AGAP1: variants seen among roughly 807,000 people sequenced by gnomAD.
AGAP1 encodes arf-GAP with GTPase, ANK repeat and PH domain-containing protein 1.
In AGAP1, 29 loss-of-function variants were observed where a neutral mutation model predicts 105.3. The ratio of observed to expected loss-of-function variants is 0.28; its 90% CI spans 0.21 to 0.38. The LOEUF (loss-of-function observed/expected upper bound fraction) is 0.38. Ranked by LOEUF, AGAP1 falls within the 10% of genes least tolerant of loss-of-function variation. AGAP1 has a pLI of 1.00. For synonymous variants in AGAP1, 509 were observed against 485.9 expected, an observed-to-expected ratio of 1.05 and a Z score of -0.63; for missense variants, 998 against 1,165.1, an observed-to-expected ratio of 0.86 and a Z score of 2.09.
intron 1 of AGAP1, among the ~76,000 whole-genome samples, chr2:235,516,360 T>A (rs1052333819): frequency 4.6e-5 from 7 of 152,154 alleles, no homozygotes; most frequent in Admixed American, 3.3e-4. Context: ...TTATTTTTTT[T>A]AAATCTCTTG....
intron 10 of AGAP1, among the ~76,000 whole-genome samples, chr2:235,902,876 A>G (rs2051133153): frequency 6.6e-6 from 1 of 152,244 alleles, no homozygotes; most frequent in South Asian, 2.1e-4. Flanking sequence ...AATGTTTAAA[A>G]ATCGGTAGCA....
chr2:235,874,105 T>C lies in AGAP1; in HGVS notation c.1051-9240T>C, dbSNP rs1453591503. Among the ~76,000 whole-genome samples the C allele has an allele frequency of 6.6e-6, 1 of 152,168 alleles. No homozygotes were observed. Among genetic ancestry groups the C allele is most frequent in the Non-Finnish European group, 1.5e-5 (1 of 68,034 alleles). ...ACAGGGTCTTGCTCTGTCGCCAGGC[T>C]GGAGTGCAGTGGCGTGATCTCAGCT... On this transcript the variant is annotated intron_variant, in intron 9 of 17. Transcript: ENST00000304032. The surrounding 1 kb of genome is among the most constrained non-coding windows in gnomAD (Gnocchi z 4.5).
rs527817430 is a variant in AGAP1, at chr2:235,840,852, A to T, written c.1050+33521A>T. Among the ~76,000 whole-genome samples the T allele has an allele frequency of 2.0e-5, 3 of 151,724 alleles. No individual in the cohort carries two copies. The South Asian group carries it at 6.3e-4, about 32-fold the overall frequency. Reference sequence around the variant, plus strand: ...TACAGAAATAGCCATTGAAGACATGAGAGAGTGTGAGATCCAGGAATTTGG... The same window carrying T: ...TACAGAAATAGCCATTGAAGACATGTGAGAGTGTGAGATCCAGGAATTTGG... On this transcript the variant is annotated intron_variant, in intron 9 of 17. Transcript: ENST00000304032.
intron 9 of AGAP1, among the ~76,000 whole-genome samples, chr2:235,812,512 G>A (rs1435583077): frequency 6.6e-6 from 1 of 152,246 alleles, no homozygotes; most frequent in African/African-American, 2.4e-5. Context: ...GGGGTGTATT[G>A]TGTGGCATGG....
chr2:235,626,175 C>A (rs951446255), intron 1 of AGAP1, among the ~76,000 whole-genome samples: 9 of 151,636 alleles, frequency 5.9e-5, no homozygotes, highest in Middle Eastern at 3.4e-3. Context: ...TGACGAAACC[C>A]CATCTCTACT....
intron 12 of AGAP1, among the ~76,000 whole-genome samples, chr2:235,946,201 G>A (rs1250327391): frequency 6.6e-6 from 1 of 151,968 alleles, no homozygotes; most frequent in African/African-American, 2.4e-5. Flanking sequence ...TTAATTTTGG[G>A]GGTGTATACC....
chr2:235,504,794 A>T (rs1355934107), intron 1 of AGAP1, among the ~76,000 whole-genome samples: 1 of 151,984 alleles, frequency 6.6e-6, no homozygotes, highest in Non-Finnish European at 1.5e-5. Flanking sequence ...TCATTCTTTC[A>T]GTTGTTTGTT....
At position 235,578,225 on chromosome 2, in the gene AGAP1, C is replaced by T. The variant is rs1455772313; in HGVS notation, c.163+83376C>T. On this transcript the variant is annotated intron_variant, in intron 1 of 17. Transcript: ENST00000304032. The surrounding 1 kb of genome is among the most constrained non-coding windows in gnomAD (Gnocchi z 4.9). ...ATGAAACTGCCACTGTCAGAGCCAG[C>T]CTGAGCTCCACGGTGCCCGTCTCCT... 2.0e-5 allele frequency among the ~76,000 whole-genome samples: 3 copies of T among 152,158 alleles called. No homozygotes were observed. The highest frequency in any genetic ancestry group is 1.9e-4 in the East Asian group (1 of 5,164).
chr2:235,912,958 C>A (rs2051692078), intron 11 of AGAP1, among the ~76,000 whole-genome samples: 1 of 152,082 alleles, frequency 6.6e-6, no homozygotes, highest in African/African-American at 2.4e-5. Flanking sequence ...GTATCCTTTG[C>A]CCATTTTTGC....
intron 5 of AGAP1, among the ~76,000 whole-genome samples, chr2:235,749,575 C>T (rs1022240339): frequency 2.0e-5 from 3 of 151,954 alleles, no homozygotes; most frequent in Non-Finnish European, 4.4e-5. Context: ...CCCTCTAGGC[C>T]TCACCCCTAC....
At position 235,973,026 on chromosome 2, in the gene AGAP1, G is replaced by A. The variant is rs1031714189; in HGVS notation, c.1645+4403G>A. Among the ~76,000 whole-genome samples the A allele has an allele frequency of 3.9e-5, 6 of 152,146 alleles. No individual in the cohort carries two copies. The highest frequency in any genetic ancestry group is 1.9e-4 in the East Asian group (1 of 5,184). The stretch of plus-strand genomic sequence containing the variant: ...AAGCACAGAGGTTCTCACTCTGGCC[G>A]TTTCTTACCTCTGTGGCGCACTTAT... On this transcript the variant is annotated intron_variant, in intron 13 of 17. Coordinates refer to ENST00000304032, the MANE Select transcript of AGAP1 (RefSeq NM_001037131.3). This position sits in a 1 kb window ranked among gnomAD's most constrained non-coding sequence, Gnocchi z 4.7.
rs2057684174 is a variant in AGAP1 at position 236,045,292 on chromosome 2, C to G, written c.1892-3767C>G. Among the ~76,000 whole-genome samples the G allele has an allele frequency of 1.3e-5, 2 of 152,148 alleles. No individual in the cohort carries two copies. Among genetic ancestry groups the G allele is most frequent in the Admixed American group, 1.3e-4 (2 of 15,278 alleles). ...TGCATTTCTGTGGGCAGGGATTTTT[C>G]TCCGTTTTGTTCACTGCTGTATCCC... On this transcript the variant is annotated intron_variant, in intron 15 of 17. Transcript: ENST00000304032. This position sits in a 1 kb window ranked among gnomAD's most constrained non-coding sequence, Gnocchi z 6.9.
At position 235,979,089 on chromosome 2, in the gene AGAP1, C is replaced by T. The variant is rs10712800; in HGVS notation, c.1645+10466C>T. ...TCATTTTAAGATTGATATGCTTTTT[C>T]TTTTTTTGGATGACAGAAGTGTATT... On this transcript the variant is annotated intron_variant, in intron 13 of 17. Coordinates refer to ENST00000304032, the MANE Select transcript of AGAP1 (RefSeq NM_001037131.3). The surrounding 1 kb of genome is among the most constrained non-coding windows in gnomAD (Gnocchi z 4.5). Among the ~76,000 whole-genome samples the T allele has an allele frequency of 0.11, 15,992 of 141,574 alleles. 2,183 individuals are homozygous for T. The highest frequency in any genetic ancestry group is 0.37 in the African/African-American group (12,906 of 34,854). 92.9% of individuals were successfully genotyped at this position (141,574 alleles called of 152,430 possible).
At chr2:236,093,450 C>T (rs1179605273) in intron 16 of AGAP1, among the ~76,000 whole-genome samples, 2 of 152,186 alleles carry the variant, frequency 1.3e-5, no homozygotes, top group East Asian at 1.9e-4. Context: ...AGACGTGGCA[C>T]CTCTGTAGTA....
At chr2:235,786,802 T>C (rs1397977153) in intron 6 of AGAP1, among the ~76,000 whole-genome samples, 2 of 152,204 alleles carry the variant, frequency 1.3e-5, no homozygotes, top group Non-Finnish European at 2.9e-5. Context: ...AAGCACCTCA[T>C]TAATAAGGTC....
At chr2:235,686,465 T>C (rs1949384467) in intron 1 of AGAP1, among the ~76,000 whole-genome samples, 1 of 150,962 alleles carries the variant, frequency 6.6e-6, no homozygotes, top group African/African-American at 2.4e-5. Context: ...CATGCACTTG[T>C]AGCCAAACCT....
chr2:235,591,461 T>G (rs926259023), intron 1 of AGAP1, among the ~76,000 whole-genome samples: 1 of 152,136 alleles, frequency 6.6e-6, no homozygotes, highest in African/African-American at 2.4e-5. Context: ...GGATTTGGGT[T>G]TAGAGGCTTA....
At position 235,578,002 on chromosome 2, in the gene AGAP1, G is replaced by A. The variant is rs1279752153; in HGVS notation, c.163+83153G>A. On this transcript the variant is annotated intron_variant, in intron 1 of 17. Transcript: ENST00000304032. This position sits in a 1 kb window ranked among gnomAD's most constrained non-coding sequence, Gnocchi z 4.9. The stretch of plus-strand genomic sequence containing the variant: ...CACCCGACACCATCCAGGTGCCTGC[G>A]TGTGCTGGTCCCGCCATCAGGACTT... Among the ~76,000 whole-genome samples, 3 of 152,220 alleles carry A rather than the reference G, an allele frequency of 2.0e-5. No individual in the cohort carries two copies. The highest frequency in any genetic ancestry group is 6.5e-5 in the Admixed American group (1 of 15,294).
chr2:235,645,057 G>A (rs574617785), intron 1 of AGAP1, among the ~76,000 whole-genome samples: 57 of 152,116 alleles, frequency 3.7e-4, no homozygotes, highest in Non-Finnish European at 6.5e-4. Context: ...CACCATGCCC[G>A]GCTAATTTTT....
Sources: allele counts gnomAD v4.1 joint callset (sites outside exome capture counted in the v4.1 genomes callset), GRCh38; gene constraint gnomAD v4.1.1; non-coding constraint Gnocchi (gnomAD v3.1); transcripts MANE v1.5; gene names NCBI Gene and HGNC (gene_info 2026-07-23, HGNC 2026-07-21).